The following TNFSF4 variants were observed in gnomAD, a reference collection of about 807,000 sequenced individuals.
TNFSF4 encodes tumor necrosis factor ligand superfamily member 4.
Under a neutral mutation model 7.3 loss-of-function variants are expected in TNFSF4, and 4 were observed. The observed-to-expected ratio is 0.55, with a 90% CI of 0.27 to 1.25. The LOEUF (loss-of-function observed/expected upper bound fraction) is 1.25. TNFSF4 is among the 50% of genes most tolerant of loss of function. TNFSF4 has a pLI of 0.12. For synonymous variants in TNFSF4, 76 were observed against 83.7 expected, an observed-to-expected ratio of 0.91 and a Z score of 0.50; for missense variants, 181 against 208.8, an observed-to-expected ratio of 0.87 and a Z score of 0.82.
the TNFSF4 span, among the ~76,000 whole-genome samples, chr1:173,323,271 A>G: frequency 2.6e-5 from 4 of 152,242 alleles, no homozygotes; most frequent in South Asian, 2.1e-4. Context: ...TGCCCAGGCA[A>G]ACAGGGTCTG....
At chr1:173,393,065 G>A in the TNFSF4 span, among the ~76,000 whole-genome samples, 1 of 152,156 alleles carries the variant, frequency 6.6e-6, no homozygotes, top group African/African-American at 2.4e-5. Context: ...AATCGAGGTG[G>A]AGTGGGGGCC....
the TNFSF4 span, among the ~76,000 whole-genome samples, chr1:173,238,733 AC>A: frequency 1.8e-4 from 28 of 152,204 alleles, no homozygotes; most frequent in Non-Finnish European, 3.2e-4. Flanking sequence ...AATGGCTATT[AC>A]TAAAAAGTCA....
At chr1:173,437,708 A>G in the TNFSF4 span, among the ~76,000 whole-genome samples, 8 of 152,148 alleles carry the variant, frequency 5.3e-5, no homozygotes, top group Non-Finnish European at 5.9e-5. Flanking sequence ...TCCCACATAC[A>G]CTAGGGTTCA....
At chr1:173,220,688 A>G in the TNFSF4 span, among the ~76,000 whole-genome samples, 1 of 152,186 alleles carries the variant, frequency 6.6e-6, no homozygotes, top group African/African-American at 2.4e-5. Flanking sequence ...ATGTGAGGAT[A>G]CAGCAAGAAG....
chr1:173,369,211 G>T, the TNFSF4 span, among the ~76,000 whole-genome samples: 1 of 152,148 alleles, frequency 6.6e-6, no homozygotes, highest in Non-Finnish European at 1.5e-5. Context: ...CTCCCTCAGG[G>T]TATGGCCCTC....
At chr1:173,371,501 G>A in the TNFSF4 span, among the ~76,000 whole-genome samples, 1 of 152,084 alleles carries the variant, frequency 6.6e-6, no homozygotes, top group East Asian at 1.9e-4. Flanking sequence ...TCCAAATCAG[G>A]CTAAAAGACC....
chr1:173,306,656 T>G, the TNFSF4 span, among the ~76,000 whole-genome samples: 1 of 151,852 alleles, frequency 6.6e-6, no homozygotes, highest in Non-Finnish European at 1.5e-5. Flanking sequence ...GCCTCCTCCA[T>G]GGAGATGGCC....
chr1:173,303,300 T>C, the TNFSF4 span, among the ~76,000 whole-genome samples: 2 of 151,840 alleles, frequency 1.3e-5, no homozygotes, highest in Non-Finnish European at 1.5e-5. Context: ...TCAGTGCCCC[T>C]GAAGGGAAAG....
At chr1:173,422,414 C>A in the TNFSF4 span, among the ~76,000 whole-genome samples, 1 of 150,650 alleles carries the variant, frequency 6.6e-6, no homozygotes, top group Admixed American at 6.6e-5. Flanking sequence ...GTGCTATGTG[C>A]CAGCCTTAAA....
chr1:173,308,794 T>C, the TNFSF4 span, among the ~76,000 whole-genome samples: 1 of 151,972 alleles, frequency 6.6e-6, no homozygotes, highest in African/African-American at 2.4e-5. Flanking sequence ...TAGTTATTCA[T>C]GCTGCCTAGC....
At position 173,185,745 on chromosome 1, in the gene TNFSF4, T is replaced by C. The variant is rs1053746707; in HGVS notation, c.*771A>G. Reference sequence around the variant, plus strand: ...GTAAAGCTAACCCTTCACAATAAGTTATCTCACTCTCCCTGTATACAAGAA... The same window carrying C: ...GTAAAGCTAACCCTTCACAATAAGTCATCTCACTCTCCCTGTATACAAGAA... On this transcript the variant is annotated 3_prime_UTR_variant, in exon 3 of 3. Coordinates refer to ENST00000281834, the MANE Select transcript of TNFSF4 (RefSeq NM_003326.5). 1 of 152,206 alleles carries C rather than the reference T, an allele frequency of 6.6e-6. No homozygotes were observed. The highest frequency in any genetic ancestry group is 2.4e-5 in the African/African-American group (1 of 41,444). The allele number at this position is 152,206 out of a possible 1,614,324, so 9.4% of individuals were successfully genotyped here. A position where few individuals can be genotyped will look rare whatever the true frequency, so the allele number is the denominator to read the frequency against.
At chr1:173,215,713 G>T in the TNFSF4 span, among the ~76,000 whole-genome samples, 2 of 152,260 alleles carry the variant, frequency 1.3e-5, no homozygotes, top group African/African-American at 4.8e-5. Flanking sequence ...GGTGCAATCA[G>T]CAATCATCAA....
chr1:173,305,480 C>T, the TNFSF4 span, among the ~76,000 whole-genome samples: 1 of 151,786 alleles, frequency 6.6e-6, no homozygotes, highest in Non-Finnish European at 1.5e-5. Flanking sequence ...GCTTGGCCCA[C>T]GTATAGTTGT....
chr1:173,220,261 T>C, the TNFSF4 span, among the ~76,000 whole-genome samples: 4 of 152,254 alleles, frequency 2.6e-5, no homozygotes, highest in South Asian at 8.3e-4. Flanking sequence ...CTCAGAATAT[T>C]TCTCTTAGCA....
downstream of TNFSF4, among the ~76,000 whole-genome samples, chr1:173,182,892 G>A (rs951673695): frequency 3.9e-5 from 6 of 152,188 alleles, no homozygotes; most frequent in African/African-American, 1.2e-4. Context: ...CTTGGGAAAT[G>A]GAGTTCATGG....
the TNFSF4 span, among the ~76,000 whole-genome samples, chr1:173,385,603 C>T: frequency 5.3e-5 from 8 of 152,150 alleles, no homozygotes; most frequent in African/African-American, 1.2e-4. Context: ...TTCGGGAGGC[C>T]GAGGCAGCTG....
the TNFSF4 span, among the ~76,000 whole-genome samples, chr1:173,307,800 A>G: frequency 1.8e-4 from 28 of 151,986 alleles, no homozygotes; most frequent in Non-Finnish European, 2.2e-4. Flanking sequence ...ACAAAATAGT[A>G]ACACTTGGTT....
chr1:173,384,390 G>A, the TNFSF4 span, among the ~76,000 whole-genome samples: 2 of 152,268 alleles, frequency 1.3e-5, no homozygotes, highest in South Asian at 4.1e-4. Context: ...TGTTGGGGGA[G>A]AACAAAGGTT....
At chr1:173,293,824 C>CA in the TNFSF4 span, among the ~76,000 whole-genome samples, 1 of 151,982 alleles carries the variant, frequency 6.6e-6, no homozygotes, top group East Asian at 1.9e-4. Context: ...GGACACCTCT[C>CA]AAAAAAGACA....
Sources: gnomAD v4.1 joint callset for allele counts (sites outside exome capture counted in the v4.1 genomes callset) on GRCh38, gnomAD v4.1.1 for gene constraint, MANE v1.5 for transcripts, NCBI Gene and HGNC (gene_info 2026-07-23, HGNC 2026-07-21) for gene names.